Variants in LAPTM5 observed in about 807,000 individuals in gnomAD.
LAPTM5 encodes the protein lysosomal protein transmembrane 5, also known as lysosomal-associated transmembrane protein 5.
LAPTM5 carries 11 observed loss-of-function variants against 30.1 expected under a neutral mutation model. The observed-to-expected ratio is 0.37, with a 90% CI of 0.23 to 0.60. LAPTM5 has a LOEUF of 0.60. LAPTM5 is among the 20% of genes least tolerant of loss of function. LAPTM5 has a pLI of 0.71. For synonymous variants in LAPTM5, 151 were observed against 137.9 expected (o/e 1.10, Z -0.67); for missense variants, 324 against 332.5 (o/e 0.97, Z 0.20).
rs928882070 is a variant in LAPTM5 at position 30,746,822 on chromosome 1, A to T, written c.88-4273T>A. 2.0e-5 allele frequency among the ~76,000 whole-genome samples: 3 copies of T among 152,194 alleles called. No homozygotes were observed. Among genetic ancestry groups the T allele is most frequent in the Non-Finnish European group, 4.4e-5 (3 of 68,034 alleles). On this transcript the variant is annotated intron_variant, in intron 1 of 7. Transcript: ENST00000294507. The surrounding 1 kb of genome is among the most constrained non-coding windows in gnomAD (Gnocchi z 4.0). ...ATGGGGATAATCACTGACCTGCCTC[A>T]CAGGATTGCTGAGGTCAAATGGAAT...
At chr1:30,740,890 C>T (rs1235829989) in intron 3 of LAPTM5, among the ~76,000 whole-genome samples, 1 of 152,224 alleles carries the variant, frequency 6.6e-6, no homozygotes, top group Non-Finnish European at 1.5e-5. Flanking sequence ...CCCACTCCTC[C>T]GGCCCTGCAA....
Position 30,746,897 on chromosome 1 carries a change from C to G in LAPTM5, c.88-4348G>C, listed in dbSNP as rs181359131. ...ACAGCAGGTGCACCATAAACAAGCA[C>G]AATTGGGTGGTGGTTTTTGCTACCT... On this transcript the variant is annotated intron_variant, in intron 1 of 7. Transcript: ENST00000294507. This position sits in a 1 kb window ranked among gnomAD's most constrained non-coding sequence, Gnocchi z 4.0. Among the ~76,000 whole-genome samples the G allele has an allele frequency of 6.6e-6, 1 of 152,288 alleles. No homozygotes were observed. Among genetic ancestry groups the G allele is most frequent in the Admixed American group, 6.5e-5 (1 of 15,298 alleles).
chr1:30,742,515 A>G lies in LAPTM5; in HGVS notation c.122T>C (p.Val41Ala), dbSNP rs1230957913. 3 of 1,613,718 alleles carry G rather than the reference A, an allele frequency of 1.9e-6. No individual in the cohort carries two copies. The African/African-American group carries it at 4.0e-5, about 22-fold the overall frequency. Residue 41 changes from valine (V) to alanine (A), a missense_variant, in exon 2 of 8, where the codon GTA becomes GCA. Coordinates refer to ENST00000294507, the MANE Select transcript of LAPTM5 (RefSeq NM_006762.3). Reference protein sequence around the residue: ...MSVLLFIEHSVEVAHGKASCK... With the variant: ...MSVLLFIEHSAEVAHGKASCK... ...GGACGCCTTGCCATGGGCCACCTCT[A>G]CTGAGTGCTCGATGAACAACAAGAC...
chr1:30,753,018 G>A (rs1640159914), intron 1 of LAPTM5, among the ~76,000 whole-genome samples: 2 of 151,486 alleles, frequency 1.3e-5, no homozygotes, highest in Admixed American at 1.3e-4. Flanking sequence ...CTGACCTCAA[G>A]TGATCCACCC....
In LAPTM5 at chr1:30,739,881, C is replaced by T. The variant is rs770591376; in HGVS notation, c.315G>A (p.Leu105=). Residue 105 remains leucine, a synonymous_variant, in exon 4 of 8, where the codon CTG becomes CTA. Transcript: ENST00000294507. The surrounding 1 kb of genome is among the most constrained non-coding windows in gnomAD (Gnocchi z 4.2). ...AGGAGCCCAGCAGGGTGAGCAGGCACAGGAGATAGTCCATGATTTGCAGGG... is the reference window on the plus strand; with the variant it reads ...AGGAGCCCAGCAGGGTGAGCAGGCATAGGAGATAGTCCATGATTTGCAGGG... ...FLSLQIMDYL[L]CLLTLLGSYI... The T allele has an allele frequency of 1.6e-5, 26 of 1,607,544 alleles. No individual in the cohort carries two copies. Among genetic ancestry groups the T allele is most frequent in the Middle Eastern group, 3.3e-4 (2 of 6,062 alleles).
chr1:30,750,947 G>T (rs1173866553), intron 1 of LAPTM5, among the ~76,000 whole-genome samples: 1 of 152,238 alleles, frequency 6.6e-6, no homozygotes, highest in African/African-American at 2.4e-5. Context: ...GCCTCATTAG[G>T]GGGTGCTTTG....
At chr1:30,744,445 G>A (rs1255702050) in intron 1 of LAPTM5, among the ~76,000 whole-genome samples, 2 of 152,136 alleles carry the variant, frequency 1.3e-5, no homozygotes, top group Non-Finnish European at 2.9e-5. Context: ...CTGTTCCTGG[G>A]AGTATGTAAG....
intron 6 of LAPTM5, 30 bp downstream of exon 6, chr1:30,737,573 TC>T (rs1204328044): frequency 1.3e-6 from 2 of 1,552,776 alleles, no homozygotes; most frequent in Admixed American, 3.4e-5. Context: ...TCACCACCCC[TC>T]CCAGAGCCGC....
At chr1:30,747,593 T>A (rs1640066973) in intron 1 of LAPTM5, among the ~76,000 whole-genome samples, 1 of 152,192 alleles carries the variant, frequency 6.6e-6, no homozygotes, top group African/African-American at 2.4e-5. Flanking sequence ...TTCCCCAAGC[T>A]GGCCAGTTGG....
In LAPTM5 at chr1:30,733,851, G is replaced by A; in HGVS notation, c.766C>T (p.Pro256Ser). Residue 256 changes from proline (P) to serine (S), a missense_variant, in exon 8 of 8, where the codon CCA (proline) becomes TCA (serine). Pro to Ser is a moderately conservative substitution (Grantham distance 74, BLOSUM62 -1). Coordinates refer to ENST00000294507, the MANE Select transcript of LAPTM5 (RefSeq NM_006762.3). ...GGTCACACCTCTGAGTATGGGGGTG[G>A]TGCTGGGCCCCCCTCTGGGGTCTTC... is the stretch of plus-strand genomic sequence containing the variant. Reference protein sequence around the residue: ...PSKTPEGGPAPPPYSEV With the variant: ...PSKTPEGGPASPPYSEV The A allele has an allele frequency of 1.9e-6, 3 of 1,609,886 alleles. No individual in the cohort carries two copies. The highest frequency in any genetic ancestry group is 2.5e-6 in the Non-Finnish European group (3 of 1,179,018).
chr1:30,739,327 T>C lies in LAPTM5; in HGVS notation c.388-265A>G, dbSNP rs111455721. Reference sequence around the variant, plus strand: ...CCCCCGGTCTCTTCAAGGACAACAGTTGGGGAGAGTGAGAAAAGCAGGTTT... The same window carrying C: ...CCCCCGGTCTCTTCAAGGACAACAGCTGGGGAGAGTGAGAAAAGCAGGTTT... On this transcript the variant is annotated intron_variant, in intron 4 of 7. Coordinates refer to ENST00000294507, the MANE Select transcript of LAPTM5 (RefSeq NM_006762.3). This position sits in a 1 kb window ranked among gnomAD's most constrained non-coding sequence, Gnocchi z 4.2. 6.6e-5 allele frequency: 23 copies of C among 347,186 alleles called. No homozygotes were observed. The highest frequency in any genetic ancestry group is 7.6e-4 in the Middle Eastern group (1 of 1,312). The allele number at this position is 347,186 out of a possible 1,614,324, so 21.5% of individuals were successfully genotyped here.
At chr1:30,735,644 G>T (rs1297905814) in intron 6 of LAPTM5, among the ~76,000 whole-genome samples, 1 of 152,194 alleles carries the variant, frequency 6.6e-6, no homozygotes, top group Non-Finnish European at 1.5e-5. Context: ...CTTCAAAATT[G>T]CTTCCGATAT....
intron 3 of LAPTM5, among the ~76,000 whole-genome samples, chr1:30,740,891 G>A (rs919596256): frequency 4.6e-5 from 7 of 152,164 alleles, no homozygotes; most frequent in Admixed American, 1.3e-4. Flanking sequence ...CCACTCCTCC[G>A]GCCCTGCAAG....
In LAPTM5 at chr1:30,739,371, C is replaced by T. The variant is rs1639934979; in HGVS notation, c.388-309G>A. 2 of 285,102 alleles carry T rather than the reference C, an allele frequency of 7.0e-6. No homozygotes were observed. Among genetic ancestry groups the T allele is most frequent in the South Asian group, 1.0e-4 (2 of 19,256 alleles). The allele number at this position is 285,102 out of a possible 1,614,324, so 17.7% of individuals were successfully genotyped here. A position where few individuals can be genotyped will look rare whatever the true frequency, so the allele number is the denominator to read the frequency against. ...CAGGTTTGGGAGACTGTGTCCTTGA[C>T]TGGCAGCAGCCCTCAAGCCACCCCA... On this transcript the variant is annotated intron_variant, in intron 4 of 7. Transcript: ENST00000294507. The surrounding 1 kb of genome is among the most constrained non-coding windows in gnomAD (Gnocchi z 4.2).
rs974269401 is a variant in LAPTM5 at position 30,746,555 on chromosome 1, G to A, written c.88-4006C>T. On this transcript the variant is annotated intron_variant, in intron 1 of 7. Transcript: ENST00000294507. The surrounding 1 kb of genome is among the most constrained non-coding windows in gnomAD (Gnocchi z 4.0). ...CAGCTGGGCTGTGACCTTGGGACCC[G>A]AGCCATCCCATGACAGGTACAAGGC... Among the ~76,000 whole-genome samples the A allele has an allele frequency of 1.6e-4, 25 of 152,120 alleles. No individual in the cohort carries two copies. Among genetic ancestry groups the A allele is most frequent in the African/African-American group, 4.3e-4 (18 of 41,422 alleles).
At position 30,733,011 on chromosome 1, in the gene LAPTM5, T is replaced by C. The variant is rs1350833750; in HGVS notation, c.*817A>G. On this transcript the variant is annotated 3_prime_UTR_variant, in exon 8 of 8. Coordinates refer to ENST00000294507, the MANE Select transcript of LAPTM5 (RefSeq NM_006762.3). The stretch of plus-strand genomic sequence containing the variant: ...TGAGCATTGGATTGTTGATGACAAC[T>C]CTTCAGCAGAACAATTGTGTGTTTG... 4 of 153,470 alleles carry C rather than the reference T, an allele frequency of 2.6e-5. No individual in the cohort carries two copies. Among genetic ancestry groups the C allele is most frequent in the East Asian group, 1.9e-4 (1 of 5,214 alleles). The allele number at this position is 153,470 out of a possible 1,614,324, so 9.5% of individuals were successfully genotyped here. A position where few individuals can be genotyped will look rare whatever the true frequency, so the allele number is the denominator to read the frequency against.
rs1389190178 is a variant in LAPTM5, at chr1:30,741,668, C to G, written c.230G>C (p.Ser77Thr). 15 of 1,607,892 alleles carry G rather than the reference C, an allele frequency of 9.3e-6. No homozygotes were observed. Among genetic ancestry groups the G allele is most frequent in the Non-Finnish European group, 1.3e-5 (15 of 1,177,212 alleles). The change falls in exon 3 of 8, where the codon AGC (serine) becomes ACC (threonine). Residue 77 changes from serine (S) to threonine (T), a missense_variant. By Grantham distance (58) the Ser-to-Thr change is moderately conservative. Coordinates refer to ENST00000294507, the MANE Select transcript of LAPTM5 (RefSeq NM_006762.3). ...FLLITMLFII[S>T]LSLLIGVVKN... ...GACTACGCCGATCAGTAGGCTCAGG[C>G]TGATGATGAAGAGCATGGTGATGAG...
intron 1 of LAPTM5, among the ~76,000 whole-genome samples, chr1:30,754,192 G>A (rs1432627556): frequency 1.3e-5 from 2 of 152,148 alleles, no homozygotes; most frequent in Admixed American, 6.5e-5. Flanking sequence ...GACTTAGAAC[G>A]TGCTTCAGGT....
At chr1:30,736,115 G>A (rs1219977019) in intron 6 of LAPTM5, among the ~76,000 whole-genome samples, 1 of 152,122 alleles carries the variant, frequency 6.6e-6, no homozygotes, top group Non-Finnish European at 1.5e-5. Flanking sequence ...AGTAGAGAGT[G>A]CCATGGAAAG....
Sources: allele counts gnomAD v4.1 joint callset (sites outside exome capture counted in the v4.1 genomes callset), GRCh38; gene constraint gnomAD v4.1.1; non-coding constraint Gnocchi (gnomAD v3.1); transcripts MANE v1.5; gene names NCBI Gene and HGNC (gene_info 2026-07-23, HGNC 2026-07-21).